Variants in PLCB4 observed in about 807,000 individuals in gnomAD.
PLCB4 encodes the protein 1-phosphatidylinositol 4,5-bisphosphate phosphodiesterase beta-4.
Under a neutral mutation model 178.8 loss-of-function variants are expected in PLCB4, and 77 were observed. The ratio of observed to expected loss-of-function variants is 0.43; its 90% CI spans 0.36 to 0.52. PLCB4 has a LOEUF of 0.52. Among genes scored for constraint, PLCB4 ranks in the 20% least tolerant of loss-of-function variants. The pLI is 0.00. For missense variants in PLCB4, 1,024 were observed against 1,453.4 expected (o/e 0.70, Z 4.80); for synonymous variants, 496 against 490.8 (o/e 1.01, Z -0.14).
chr20:9,273,381 G>C (rs2094423035), intron 3 of PLCB4, among the ~76,000 whole-genome samples: 1 of 152,074 alleles, frequency 6.6e-6, no homozygotes, highest in South Asian at 2.1e-4. Context: ...GAAATACGGA[G>C]AGGTTAAGTA....
chr20:9,318,923 AC>A (rs1414185045), intron 4 of PLCB4, among the ~76,000 whole-genome samples: 2 of 152,192 alleles, frequency 1.3e-5, no homozygotes, highest in African/African-American at 2.4e-5. Context: ...AATATTAGCT[AC>A]CTCAAGCCGT....
chr20:9,212,647 T>C (rs1234467574), intron 2 of PLCB4, among the ~76,000 whole-genome samples: 1 of 152,226 alleles, frequency 6.6e-6, no homozygotes. Flanking sequence ...TCCATATGTA[T>C]GCTTTTCTTT....
At chr20:9,319,176 T>C (rs1050034160) in intron 4 of PLCB4, among the ~76,000 whole-genome samples, 2 of 152,184 alleles carry the variant, frequency 1.3e-5, no homozygotes, top group Admixed American at 1.3e-4. Flanking sequence ...ATACAGCACA[T>C]GTTAAAATGA....
At chr20:9,444,147 A>G (rs376209409) in intron 31 of PLCB4, 31 bp from the exon 32 acceptor site, 79 of 1,536,634 alleles carry the variant, frequency 5.1e-5, no homozygotes, top group Non-Finnish European at 1.2e-5. Context: ...AAAACAAAAA[A>G]CCTATTTTTG....
At chr20:9,208,706 A>T (rs1285206378) in intron 2 of PLCB4, among the ~76,000 whole-genome samples, 1 of 151,932 alleles carries the variant, frequency 6.6e-6, no homozygotes, top group African/African-American at 2.4e-5. Flanking sequence ...TTTCTGGCTA[A>T]TTTTCTGTAT....
At chr20:9,343,986 A>G (rs1419129582) in intron 7 of PLCB4, among the ~76,000 whole-genome samples, 1 of 152,186 alleles carries the variant, frequency 6.6e-6, no homozygotes, top group Non-Finnish European at 1.5e-5. Flanking sequence ...GTGCCCCAAG[A>G]GGTATCTAAC....
At chr20:9,213,494 T>C (rs1000802922) in intron 2 of PLCB4, among the ~76,000 whole-genome samples, 1 of 152,234 alleles carries the variant, frequency 6.6e-6, no homozygotes, top group Non-Finnish European at 1.5e-5. Flanking sequence ...GTATCTGTGT[T>C]GCATTTTTGA....
chr20:9,389,099 T>A (rs2037920099), intron 15 of PLCB4, among the ~76,000 whole-genome samples: 1 of 152,192 alleles, frequency 6.6e-6, no homozygotes, highest in Admixed American at 6.5e-5. Flanking sequence ...GTAGAAGTGC[T>A]GGTTTGAAGC....
At chr20:9,458,778 A>T (rs938883254) in intron 34 of PLCB4, among the ~76,000 whole-genome samples, 1 of 152,156 alleles carries the variant, frequency 6.6e-6, no homozygotes, top group Non-Finnish European at 1.5e-5. Flanking sequence ...AAAGCAAGTC[A>T]CAGGTCACCC....
chr20:9,159,732 T>G (rs1459335468), intron 2 of PLCB4, among the ~76,000 whole-genome samples: 2 of 152,214 alleles, frequency 1.3e-5, no homozygotes, highest in Non-Finnish European at 2.9e-5. Context: ...CTTGGCTTGA[T>G]GAAAGTTTTT....
At chr20:9,337,091 TGA>T in intron 4 of PLCB4, 33 bp from the exon 5 acceptor site, 1 of 1,343,554 alleles carries the variant, frequency 7.4e-7, no homozygotes, top group African/African-American at 1.4e-5. Flanking sequence ...CAAAATGGTG[TGA>T]GTCATGAAGA....
chr20:9,123,495 G>A (rs962011362), intron 2 of PLCB4, among the ~76,000 whole-genome samples: 3 of 150,930 alleles, frequency 2.0e-5, no homozygotes, highest in Admixed American at 2.0e-4. Flanking sequence ...TATGTGAAGA[G>A]TGCCCCTTAA....
intron 3 of PLCB4, among the ~76,000 whole-genome samples, chr20:9,254,073 T>C (rs1008376761): frequency 1.3e-5 from 2 of 152,196 alleles, no homozygotes; most frequent in African/African-American, 4.8e-5. Context: ...AAATCTCACC[T>C]GTTTCTTGGT....
chr20:9,186,293 T>A (rs930215793), intron 2 of PLCB4, among the ~76,000 whole-genome samples: 6 of 152,168 alleles, frequency 3.9e-5, no homozygotes, highest in African/African-American at 9.7e-5. Flanking sequence ...AAAAGAAAGT[T>A]TTTTAAAAAA....
intron 3 of PLCB4, among the ~76,000 whole-genome samples, chr20:9,254,875 G>A (rs569433540): frequency 6.6e-6 from 1 of 152,196 alleles, no homozygotes; most frequent in East Asian, 1.9e-4. Context: ...TTCAAATTAT[G>A]TGCAGAACAG....
chr20:9,304,228 T>C lies in PLCB4; in HGVS notation c.-15-3572T>C, dbSNP rs184295831. On this transcript the variant is annotated intron_variant, in intron 3 of 39. Coordinates refer to ENST00000378473, the MANE Select transcript of PLCB4 (RefSeq NM_001377142.1). ...CTCAAGAATGATTAAGGGGTGTATG[T>C]ATGTGTGTGTGGGGGGGTGTGAATG... is the stretch of plus-strand genomic sequence containing the variant. Among the ~76,000 whole-genome samples the C allele has an allele frequency of 6.0e-5, 9 of 151,248 alleles. No homozygotes were observed. The East Asian group carries it at 1.7e-3, about 29-fold the overall frequency.
intron 3 of PLCB4, among the ~76,000 whole-genome samples, chr20:9,237,175 C>T (rs1226242525): frequency 6.6e-6 from 1 of 152,056 alleles, no homozygotes; most frequent in African/African-American, 2.4e-5. Context: ...GGAAAATGTA[C>T]AAATCCTAGG....
intron 3 of PLCB4, among the ~76,000 whole-genome samples, chr20:9,276,981 T>C (rs2094455952): frequency 6.6e-6 from 1 of 152,050 alleles, no homozygotes; most frequent in Non-Finnish European, 1.5e-5. Context: ...TTTTTGTCCC[T>C]ACCCCATAAC....
intron 1 of PLCB4, among the ~76,000 whole-genome samples, chr20:9,080,898 T>C (rs959175297): frequency 6.6e-6 from 1 of 152,192 alleles, no homozygotes; most frequent in African/African-American, 2.4e-5. Flanking sequence ...GGTTTCTAAA[T>C]CTTCATGAAA....
Sources: allele counts gnomAD v4.1 joint callset (sites outside exome capture counted in the v4.1 genomes callset), GRCh38; gene constraint gnomAD v4.1.1; transcripts MANE v1.5; gene names NCBI Gene and HGNC (gene_info 2026-07-23, HGNC 2026-07-21).